CARD8: variants seen among roughly 807,000 people sequenced by gnomAD.
CARD8 encodes the protein caspase recruitment domain-containing protein 8.
In CARD8, 38 loss-of-function variants were observed where a neutral mutation model predicts 53.2. That is an observed-to-expected ratio of 0.71 (90% confidence interval 0.55 to 0.94). The LOEUF (loss-of-function observed/expected upper bound fraction) is 0.94, where lower values mean the gene tolerates loss of function less well. CARD8 is among the 40% of genes least tolerant of loss of function. The probability of loss-of-function intolerance (pLI) is 0.00; values close to 1 mark genes in which losing one functional copy is unlikely to be tolerated. For synonymous variants in CARD8, 245 were observed against 244.9 expected, an observed-to-expected ratio of 1.00 and a Z score of 0.00; for missense variants, 561 against 655.5, an observed-to-expected ratio of 0.86 and a Z score of 1.57.
At chr19:48,224,456 C>G (rs2145884454) in intron 10 of CARD8, among the ~76,000 whole-genome samples, 1 of 152,160 alleles carries the variant, frequency 6.6e-6, no homozygotes, top group South Asian at 2.1e-4. Context: ...AACTTAAATA[C>G]TTAAGTTTTA....
Position 48,234,392 on chromosome 19 carries a change from G to C in CARD8, c.350+11C>G. ...CGTCCAATAGTTTTCCAACGGAATAGCTTTTCTTACCTGGGAATGTCCCCC... is the reference window on the plus strand; with the variant it reads ...CGTCCAATAGTTTTCCAACGGAATACCTTTTCTTACCTGGGAATGTCCCCC... On this transcript the variant is annotated intron_variant, in intron 6 of 13. Transcript: ENST00000651546. 1 of 1,605,274 alleles carries C rather than the reference G, an allele frequency of 6.2e-7. No homozygotes were observed. Among genetic ancestry groups the C allele is most frequent in the Non-Finnish European group, 8.5e-7 (1 of 1,176,724 alleles).
chr19:48,220,507 T>C (rs2040261988), intron 11 of CARD8, among the ~76,000 whole-genome samples: 1 of 152,190 alleles, frequency 6.6e-6, no homozygotes, highest in African/African-American at 2.4e-5. Flanking sequence ...GGATGTGTTT[T>C]CCCATTAAAA....
intron 11 of CARD8, among the ~76,000 whole-genome samples, chr19:48,221,022 AAGAG>A (rs1168628740): frequency 2.0e-5 from 3 of 149,272 alleles, no homozygotes; most frequent in Non-Finnish European, 1.5e-5. Flanking sequence ...GAAAGAAAGA[AAGAG>A]AGAAAGAGGG....
chr19:48,238,388 A>C lies in CARD8; in HGVS notation c.204T>G (p.Asn68Lys), dbSNP rs2044303541. Residue 68 changes from asparagine (N) to lysine (K), a missense_variant, in exon 5 of 14, where the codon AAT becomes AAG. Coordinates refer to ENST00000651546, the MANE Select transcript of CARD8 (RefSeq NM_001184900.3). ...IFFQAEACVT[N>K]DTVYRELPCV... ...AACAAATAGATGTCCCTTACGTATC[A>C]TTTGTCACACAGGCCTCAGCCTGAA... The C allele has an allele frequency of 6.5e-7, 1 of 1,535,954 alleles. No homozygotes were observed. The highest frequency in any genetic ancestry group is 8.7e-7 in the Non-Finnish European group (1 of 1,146,856).
chr19:48,212,594 A>G (rs1429770332), intron 13 of CARD8, among the ~76,000 whole-genome samples: 1 of 152,168 alleles, frequency 6.6e-6, no homozygotes, highest in African/African-American at 2.4e-5. Flanking sequence ...ATGGAGGTTG[A>G]GGTGTGATTT....
In CARD8 at chr19:48,234,414, C is replaced by T. The variant is rs1389485845; in HGVS notation, c.339G>A (p.Gly113=). 12 of 1,609,528 alleles carry T rather than the reference C, an allele frequency of 7.5e-6. No homozygotes were observed. In the African/African-American group the frequency reaches 1.3e-4, roughly 18 times the overall value. ...RAVPECQLSG[G]DIPSVSEEQE... ...ATAGCTTTTCTTACCTGGGAATGTC[C>T]CCCCCAGATAGTTGACACTCAGGAA... Residue 113 remains glycine, a synonymous_variant, in exon 6 of 14, where the codon GGG becomes GGA. Coordinates refer to ENST00000651546, the MANE Select transcript of CARD8 (RefSeq NM_001184900.3).
At chr19:48,248,333 A>G (rs2046442569) in intron 3 of CARD8, among the ~76,000 whole-genome samples, 1 of 152,138 alleles carries the variant, frequency 6.6e-6, no homozygotes, top group Admixed American at 6.6e-5. Flanking sequence ...TGTGCCACAC[A>G]GCGAAGCCCT....
rs2147067414 is a variant in CARD8, at chr19:48,249,776, T to A, written c.-180A>T. 1 of 152,718 alleles carries A rather than the reference T, an allele frequency of 6.5e-6. No homozygotes were observed. The allele number at this position is 152,718 out of a possible 1,614,324, so 9.5% of individuals were successfully genotyped here. Reference sequence around the variant, plus strand: ...CATGTGAGTTTCAGGAGCCCCAGGGTGCAGGAAGGAGGAGCGGAGGCTTGT... The same window carrying A: ...CATGTGAGTTTCAGGAGCCCCAGGGAGCAGGAAGGAGGAGCGGAGGCTTGT... On this transcript the variant is annotated 5_prime_UTR_variant, in exon 2 of 14. Transcript: ENST00000651546.
At chr19:48,247,863 A>ACTAT (rs1265500062) in intron 3 of CARD8, among the ~76,000 whole-genome samples, 3 of 151,896 alleles carry the variant, frequency 2.0e-5, no homozygotes, top group Non-Finnish European at 2.9e-5. Flanking sequence ...ACATTAAAAT[A>ACTAT]CACATGATTT....
At chr19:48,225,803 A>G (rs2145941037) in intron 10 of CARD8, among the ~76,000 whole-genome samples, 1 of 152,224 alleles carries the variant, frequency 6.6e-6, no homozygotes, top group East Asian at 1.9e-4. Context: ...CTGTAATCTC[A>G]GCACTTTGGG....
At chr19:48,221,705 T>G in intron 11 of CARD8, 25 bp downstream of exon 11, 1 of 1,498,392 alleles carries the variant, frequency 6.7e-7, no homozygotes. Context: ...TGAAACCTGC[T>G]GAGTTGGGTT....
intron 10 of CARD8, among the ~76,000 whole-genome samples, chr19:48,225,028 C>T (rs1474282379): frequency 6.6e-6 from 1 of 151,390 alleles, no homozygotes; most frequent in Non-Finnish European, 1.5e-5. Context: ...CCTGGGATTA[C>T]AGGTGTGAGC....
At chr19:48,221,006 GAAAAAGAAAGAA>G (rs2040501113) in intron 11 of CARD8, among the ~76,000 whole-genome samples, 1 of 88,322 alleles carries the variant, frequency 1.1e-5, no homozygotes, top group African/African-American at 3.5e-5. Flanking sequence ...AAGAAAGAAA[GAAAAAGAAAGAA>G]AGAAAGAGAG....
chr19:48,245,280 G>A (rs2045924566), intron 3 of CARD8, among the ~76,000 whole-genome samples: 1 of 152,152 alleles, frequency 6.6e-6, no homozygotes, highest in Non-Finnish European at 1.5e-5. Context: ...CACAATCTCG[G>A]CTCACTGCAA....
chr19:48,238,765 C>A (rs1326346187), intron 4 of CARD8, among the ~76,000 whole-genome samples: 3 of 151,192 alleles, frequency 2.0e-5, no homozygotes, highest in Non-Finnish European at 2.9e-5. Flanking sequence ...CATAGAGATG[C>A]CATCCTTAGA....
chr19:48,222,542 A>T (rs1461906804), intron 10 of CARD8, among the ~76,000 whole-genome samples: 2 of 152,178 alleles, frequency 1.3e-5, no homozygotes, highest in African/African-American at 4.8e-5. Context: ...TATAAAAATT[A>T]GCCGGGCGTG....
chr19:48,203,967 C>G, downstream of CARD8: 1 of 337,388 alleles, frequency 3.0e-6, no homozygotes, highest in South Asian at 2.1e-5. Flanking sequence ...AGTGTGAGGG[C>G]CTGCGCAGTA....
chr19:48,229,065 G>C lies in CARD8; in HGVS notation c.1035+1373C>G, dbSNP rs546659597. 8.9e-4 allele frequency among the ~76,000 whole-genome samples: 136 copies of C among 152,204 alleles called. 6 individuals are homozygous for C. Among genetic ancestry groups the C allele is most frequent in the South Asian group, 2.5e-3 (12 of 4,814 alleles). ...GAGGCAGGAGAATCGCTTGAACCCG[G>C]GAGGCGGAGGTTTCAGTGAGCCGCA... On this transcript the variant is annotated intron_variant, in intron 10 of 13. Coordinates refer to ENST00000651546, the MANE Select transcript of CARD8 (RefSeq NM_001184900.3).
In CARD8 at chr19:48,210,658, ACTGG is replaced by A. The variant is rs1199503153; in HGVS notation, c.*1048_*1051del. ...CAGTAGAATAGAAAAGACATAACAA[ACTGG>A]CTGACTGAGGATAAATCCTAACATA... On this transcript the variant is annotated 3_prime_UTR_variant, in exon 14 of 14. Transcript: ENST00000651546. 2.0e-5 allele frequency: 3 copies of A among 152,160 alleles called. No homozygotes were observed. The highest frequency in any genetic ancestry group is 2.9e-5 in the Non-Finnish European group (2 of 68,016). 9.4% of individuals were successfully genotyped at this position (152,160 alleles called of 1,614,324 possible).
Sources: allele counts gnomAD v4.1 joint callset (sites outside exome capture counted in the v4.1 genomes callset), GRCh38; gene constraint gnomAD v4.1.1; transcripts MANE v1.5; gene names NCBI Gene and HGNC (gene_info 2026-07-23, HGNC 2026-07-21).